The following ENPP6 variants were observed in gnomAD, a reference collection of about 807,000 sequenced individuals.
The protein encoded by ENPP6 is ectonucleotide pyrophosphatase/phosphodiesterase 6.
A neutral mutation model predicts 42.0 loss-of-function variants in ENPP6; 32 were observed. The observed-to-expected ratio is 0.76, with a 90% CI of 0.58 to 1.02. The LOEUF (loss-of-function observed/expected upper bound fraction) is 1.02, where lower values mean the gene tolerates loss of function less well. ENPP6 is among the 50% of genes least tolerant of loss of function. The pLI is 0.00. For missense variants in ENPP6, 552 were observed against 566.8 expected (o/e 0.97, Z 0.27); for synonymous variants, 213 against 216.0 (o/e 0.99, Z 0.12).
intron 6 of ENPP6, among the ~76,000 whole-genome samples, chr4:184,098,131 G>T (rs886837169): frequency 6.6e-6 from 1 of 152,238 alleles, no homozygotes. Flanking sequence ...AATATAGTGT[G>T]CTTTCCTGAG....
chr4:184,105,483 T>G (rs1456409601), intron 6 of ENPP6, among the ~76,000 whole-genome samples: 1 of 152,204 alleles, frequency 6.6e-6, no homozygotes, highest in African/African-American at 2.4e-5. Flanking sequence ...TGGGACTGTG[T>G]GCTTCATGGC....
intron 2 of ENPP6, among the ~76,000 whole-genome samples, chr4:184,135,985 T>C (rs1736725133): frequency 6.6e-6 from 1 of 152,196 alleles, no homozygotes; most frequent in African/African-American, 2.4e-5. Flanking sequence ...TTTTTGTGTT[T>C]AAATCAGCCA....
At chr4:184,141,239 C>T (rs1736815136) in intron 2 of ENPP6, among the ~76,000 whole-genome samples, 1 of 152,082 alleles carries the variant, frequency 6.6e-6, no homozygotes, top group South Asian at 2.1e-4. Flanking sequence ...GTCTGTGGGC[C>T]CCTCTCCTGT....
intron 1 of ENPP6, among the ~76,000 whole-genome samples, chr4:184,205,180 G>A (rs757921172): frequency 6.6e-6 from 1 of 152,158 alleles, no homozygotes; most frequent in Non-Finnish European, 1.5e-5. Flanking sequence ...TGATCCACCT[G>A]CCTCGGCCTC....
intron 7 of ENPP6, among the ~76,000 whole-genome samples, chr4:184,096,857 C>T (rs981406655): frequency 6.6e-6 from 1 of 152,044 alleles, no homozygotes; most frequent in Non-Finnish European, 1.5e-5. Flanking sequence ...AGCCAGACCC[C>T]GAGAAGCGAT....
At chr4:184,111,393 C>G (rs4485842) in intron 6 of ENPP6, among the ~76,000 whole-genome samples, 52,451 of 152,106 alleles carry the variant, frequency 0.34, 10,004 homozygotes, top group East Asian at 0.52. Context: ...TACAGTGAGA[C>G]AGGTGACTTG....
At chr4:184,144,393 T>G (rs901902287) in intron 2 of ENPP6, among the ~76,000 whole-genome samples, 1 of 152,106 alleles carries the variant, frequency 6.6e-6, no homozygotes, top group Non-Finnish European at 1.5e-5. Flanking sequence ...CAGGTCCCAG[T>G]GCAGGGACCT....
intron 1 of ENPP6, among the ~76,000 whole-genome samples, chr4:184,206,868 G>A (rs1360269174): frequency 3.3e-5 from 5 of 152,178 alleles, no homozygotes; most frequent in East Asian, 1.9e-4. Context: ...TCGGTCTCTC[G>A]CTGCTTCCCG....
intron 3 of ENPP6, among the ~76,000 whole-genome samples, chr4:184,123,519 C>T (rs1736454004): frequency 6.6e-6 from 1 of 152,190 alleles, no homozygotes; most frequent in African/African-American, 2.4e-5. Flanking sequence ...CTGATCTCTA[C>T]TTAATGCAAA....
At chr4:184,188,232 A>G (rs1002127998) in intron 1 of ENPP6, among the ~76,000 whole-genome samples, 1 of 152,206 alleles carries the variant, frequency 6.6e-6, no homozygotes, top group Non-Finnish European at 1.5e-5. Flanking sequence ...AAGTCCTGTC[A>G]GTTTCCGTTG....
At chr4:184,162,076 A>C (rs4862324) in intron 1 of ENPP6, among the ~76,000 whole-genome samples, 148,844 of 152,176 alleles carry the variant, frequency 0.98, 72,877 homozygotes, top group South Asian at 1. Context: ...TTCCAGCAAC[A>C]ACTGCCCCCC....
intron 3 of ENPP6, among the ~76,000 whole-genome samples, chr4:184,122,532 C>G (rs529619920): frequency 6.6e-6 from 1 of 151,746 alleles, no homozygotes; most frequent in Non-Finnish European, 1.5e-5. Flanking sequence ...TTCCCCGCTG[C>G]ATGCTGGTGT....
At chr4:184,204,550 C>T (rs1202676634) in intron 1 of ENPP6, among the ~76,000 whole-genome samples, 9 of 152,148 alleles carry the variant, frequency 5.9e-5, no homozygotes, top group South Asian at 2.1e-4. Flanking sequence ...TCGACTTCAG[C>T]GATCTTCACT....
intron 6 of ENPP6, among the ~76,000 whole-genome samples, chr4:184,098,601 T>C (rs560200952): frequency 1.3e-5 from 2 of 152,222 alleles, no homozygotes; most frequent in East Asian, 1.9e-4. Flanking sequence ...GACCTTAATT[T>C]CCCTCAACCA....
intron 5 of ENPP6, among the ~76,000 whole-genome samples, chr4:184,113,941 T>C (rs551479378): frequency 2.0e-5 from 3 of 148,986 alleles, no homozygotes; most frequent in African/African-American, 7.4e-5. Context: ...CTTTCTTTCT[T>C]TCTTTCTTTC....
intron 1 of ENPP6, among the ~76,000 whole-genome samples, chr4:184,208,437 G>A (rs1409633234): frequency 6.6e-6 from 1 of 152,216 alleles, no homozygotes; most frequent in Non-Finnish European, 1.5e-5. Flanking sequence ...GAAGCACAAG[G>A]GGTCAGGGAG....
At chr4:184,097,820 T>C (rs1735937498) in intron 6 of ENPP6, among the ~76,000 whole-genome samples, 1 of 152,146 alleles carries the variant, frequency 6.6e-6, no homozygotes, top group Non-Finnish European at 1.5e-5. Flanking sequence ...CCTGAGTTAA[T>C]GCTACTGAGA....
At chr4:184,106,781 G>A (rs1736104972) in intron 6 of ENPP6, among the ~76,000 whole-genome samples, 1 of 152,170 alleles carries the variant, frequency 6.6e-6, no homozygotes, top group African/African-American at 2.4e-5. Context: ...CAGGAGTGGG[G>A]GCAAGGACTC....
Position 184,119,959 on chromosome 4 carries a change from C to T in ENPP6, c.534-2059G>A, listed in dbSNP as rs574954401. Among the ~76,000 whole-genome samples, 9 of 152,256 alleles carry T rather than the reference C, an allele frequency of 5.9e-5. No individual in the cohort carries two copies. The East Asian group carries it at 1.7e-3, about 29-fold the overall frequency. ...TAAATCTCTTCCCTTTACAAATTAC[C>T]CAGTCTTAGGTATGTCTTTATTAGC... On this transcript the variant is annotated intron_variant, in intron 3 of 7. Coordinates refer to ENST00000296741, the MANE Select transcript of ENPP6 (RefSeq NM_153343.4).
Sources: allele counts gnomAD v4.1 joint callset (sites outside exome capture counted in the v4.1 genomes callset), GRCh38; gene constraint gnomAD v4.1.1; transcripts MANE v1.5; gene names NCBI Gene and HGNC (gene_info 2026-07-23, HGNC 2026-07-21).